PLPPR1: variants seen among roughly 807,000 people sequenced by gnomAD.
PLPPR1 encodes the protein phospholipid phosphatase-related protein type 1.
Under a neutral mutation model 33.1 loss-of-function variants are expected in PLPPR1, and 10 were observed. That is an observed-to-expected ratio of 0.30 (90% CI 0.19 to 0.51). PLPPR1 has a LOEUF of 0.51. Among genes scored for constraint, PLPPR1 ranks in the 20% least tolerant of loss-of-function variants. The pLI, the probability that PLPPR1 is intolerant of heterozygous loss-of-function variation, is 0.97. For missense variants in PLPPR1, 304 were observed against 408.1 expected (o/e 0.74, Z 2.20); for synonymous variants, 151 against 151.0 (o/e 1.00, Z 0.00).
chr9:101,049,654 C>T (rs886639225), intron 1 of PLPPR1, among the ~76,000 whole-genome samples: 1 of 152,124 alleles, frequency 6.6e-6, no homozygotes, highest in Non-Finnish European at 1.5e-5. Flanking sequence ...GACTTAAACT[C>T]TGATGGGCTG....
intron 2 of PLPPR1, among the ~76,000 whole-genome samples, chr9:101,268,766 T>C (rs1006082367): frequency 2.0e-5 from 3 of 152,264 alleles, no homozygotes; most frequent in Admixed American, 6.5e-5. Flanking sequence ...TATCTAAAGA[T>C]GTCCTACCAA....
intron 2 of PLPPR1, among the ~76,000 whole-genome samples, chr9:101,253,333 A>G (rs142409959): frequency 0.02 from 3,040 of 151,958 alleles, 92 homozygotes; most frequent in African/African-American, 0.07. Flanking sequence ...GGATCATTTG[A>G]GGTTAGGAGT....
chr9:101,235,602 C>A (rs1827283390), intron 2 of PLPPR1, among the ~76,000 whole-genome samples: 1 of 151,776 alleles, frequency 6.6e-6, no homozygotes, highest in Non-Finnish European at 1.5e-5. Flanking sequence ...AAAATAGTTT[C>A]TTATCTGCTT....
chr9:101,047,939 C>A (rs1830173501), intron 1 of PLPPR1, among the ~76,000 whole-genome samples: 2 of 152,124 alleles, frequency 1.3e-5, no homozygotes, highest in South Asian at 2.1e-4. Context: ...GAAACTGAAC[C>A]TTTAATGTTG....
intron 2 of PLPPR1, among the ~76,000 whole-genome samples, chr9:101,243,443 C>T (rs1827520298): frequency 6.6e-6 from 1 of 151,868 alleles, no homozygotes; most frequent in Admixed American, 6.6e-5. Context: ...AGTTTTGAGT[C>T]ATATTAAGAA....
intron 4 of PLPPR1, among the ~76,000 whole-genome samples, chr9:101,289,663 C>T (rs1406447488): frequency 2.0e-5 from 3 of 152,174 alleles, no homozygotes; most frequent in Non-Finnish European, 4.4e-5. Context: ...TTGCGTCTTC[C>T]TCATTTTCTC....
intron 1 of PLPPR1, among the ~76,000 whole-genome samples, chr9:101,106,498 T>G (rs1310200160): frequency 8.3e-6 from 1 of 119,840 alleles, no homozygotes; most frequent in Admixed American, 8.3e-5. Context: ...CTGGCTTGTA[T>G]GGTTTCTGCC....
chr9:101,266,833 GT>G (rs1828007356), intron 2 of PLPPR1, among the ~76,000 whole-genome samples: 1 of 152,118 alleles, frequency 6.6e-6, no homozygotes, highest in Non-Finnish European at 1.5e-5. Flanking sequence ...CTATGTATAA[GT>G]TTTTGCTTTC....
intron 3 of PLPPR1, among the ~76,000 whole-genome samples, chr9:101,275,709 C>T (rs539106765): frequency 1.3e-5 from 2 of 152,252 alleles, no homozygotes; most frequent in East Asian, 1.9e-4. Context: ...TTTATCTCAG[C>T]CCCAGCAGCA....
At chr9:101,108,523 A>T (rs1024233195) in intron 1 of PLPPR1, among the ~76,000 whole-genome samples, 6 of 152,372 alleles carry the variant, frequency 3.9e-5, no homozygotes, top group African/African-American at 1.4e-4. Flanking sequence ...TTGTGAAGAC[A>T]GGCACTGTTT....
At chr9:101,219,859 A>G (rs975806466) in intron 2 of PLPPR1, among the ~76,000 whole-genome samples, 2 of 152,172 alleles carry the variant, frequency 1.3e-5, no homozygotes, top group Non-Finnish European at 2.9e-5. Context: ...TCACAGGTAG[A>G]ATGCTCATAG....
chr9:101,074,319 C>A (rs1184712848), intron 1 of PLPPR1, among the ~76,000 whole-genome samples: 3 of 152,040 alleles, frequency 2.0e-5, no homozygotes, highest in African/African-American at 7.2e-5. Flanking sequence ...AATAGATAAG[C>A]ATGGAATTTT....
intron 1 of PLPPR1, among the ~76,000 whole-genome samples, chr9:101,156,947 T>C (rs1239867734): frequency 6.6e-6 from 1 of 152,194 alleles, no homozygotes; most frequent in East Asian, 1.9e-4. Flanking sequence ...TGTCTTTATA[T>C]ACTGGTGAGC....
At chr9:101,295,234 C>T (rs1233861475) in intron 4 of PLPPR1, among the ~76,000 whole-genome samples, 1 of 151,844 alleles carries the variant, frequency 6.6e-6, no homozygotes, top group Non-Finnish European at 1.5e-5. Flanking sequence ...CCTAGGAATC[C>T]AACTTACAAG....
chr9:101,261,141 G>C (rs1318906910), intron 2 of PLPPR1, among the ~76,000 whole-genome samples: 2 of 152,176 alleles, frequency 1.3e-5, no homozygotes, highest in Non-Finnish European at 2.9e-5. Flanking sequence ...CAGAGGTTCA[G>C]ATTGAGGTAA....
At chr9:101,172,137 T>C (rs1825951396) in intron 1 of PLPPR1, among the ~76,000 whole-genome samples, 1 of 152,116 alleles carries the variant, frequency 6.6e-6, no homozygotes, top group South Asian at 2.1e-4. Context: ...AGTTTCACCA[T>C]GTTAAATGTT....
At chr9:101,250,170 C>T (rs181983816) in intron 2 of PLPPR1, among the ~76,000 whole-genome samples, 90 of 152,106 alleles carry the variant, frequency 5.9e-4, no homozygotes, top group African/African-American at 2.0e-3. Context: ...AGCTCTTCCT[C>T]CCTTCTCAAT....
In PLPPR1 at chr9:101,263,825, A is replaced by G. The variant is rs138268510; in HGVS notation, c.64-6055A>G. Among the ~76,000 whole-genome samples, 76 of 152,314 alleles carry G rather than the reference A, an allele frequency of 5.0e-4. 1 individual carries two copies. The highest frequency in any genetic ancestry group is 1.8e-3 in the African/African-American group (73 of 41,570). On this transcript the variant is annotated intron_variant, in intron 2 of 7. Transcript: ENST00000374874. ...GGTTGGGCAGATGAAGAGTTAATTTACGTAAGGTGTTTAAAACAGTTCCTG... is the reference window on the plus strand; with the variant it reads ...GGTTGGGCAGATGAAGAGTTAATTTGCGTAAGGTGTTTAAAACAGTTCCTG...
chr9:101,269,816 C>T (rs1828061278), intron 2 of PLPPR1, 64 bp from the exon 3 acceptor site: 1 of 1,524,770 alleles, frequency 6.6e-7, no homozygotes. Flanking sequence ...GGAGTGTGCT[C>T]TGAGGGGCAA....
Sources: allele counts gnomAD v4.1 joint callset (sites outside exome capture counted in the v4.1 genomes callset), GRCh38; gene constraint gnomAD v4.1.1; transcripts MANE v1.5; gene names NCBI Gene and HGNC (gene_info 2026-07-23, HGNC 2026-07-21).